SPHKAP: variants seen among roughly 807,000 people sequenced by gnomAD.
The protein encoded by SPHKAP is A-kinase anchor protein SPHKAP.
In SPHKAP, 67 loss-of-function variants were observed where a neutral mutation model predicts 137.5. The ratio of observed to expected loss-of-function variants is 0.49; its 90% CI spans 0.40 to 0.60. SPHKAP has a LOEUF of 0.60. Among genes scored for constraint, SPHKAP ranks in the 20% least tolerant of loss-of-function variants. The pLI, the probability that SPHKAP is intolerant of heterozygous loss-of-function variation, is 0.00. For synonymous variants in SPHKAP, 813 were observed against 785.3 expected, an observed-to-expected ratio of 1.04 and a Z score of -0.59; for missense variants, 2,097 against 2,069.3, an observed-to-expected ratio of 1.01 and a Z score of -0.26.
rs1574927431 is a variant in SPHKAP at position 228,181,502 on chromosome 2, C to T, written c.32+65G>A. The T allele has an allele frequency of 5.6e-6, 9 of 1,611,608 alleles. No homozygotes were observed. In the South Asian group the frequency reaches 6.6e-5, roughly 12 times the overall value. On this transcript the variant is annotated intron_variant, in intron 1 of 11. Transcript: ENST00000392056. The surrounding 1 kb of genome is among the most constrained non-coding windows in gnomAD (Gnocchi z 4.3). ...AAGCGCTCTGGGGCAAGTTGGTGAG[C>T]GACTCACAACGCGGAACGGAGTTTG...
At chr2:228,069,608 T>G (rs930551668) in intron 3 of SPHKAP, among the ~76,000 whole-genome samples, 1 of 151,668 alleles carries the variant, frequency 6.6e-6, no homozygotes, top group Non-Finnish European at 1.5e-5. Context: ...GAAGTTTTTT[T>G]TTTTCTAAGA....
chr2:228,141,241 A>T (rs1699598471), intron 1 of SPHKAP, among the ~76,000 whole-genome samples: 1 of 152,154 alleles, frequency 6.6e-6, no homozygotes, highest in South Asian at 2.1e-4. Flanking sequence ...ATGGAGTTGG[A>T]TCTATTACTC....
chr2:228,012,149 C>CA (rs1694400849), intron 7 of SPHKAP, among the ~76,000 whole-genome samples: 1 of 113,462 alleles, frequency 8.8e-6, no homozygotes, highest in Non-Finnish European at 1.6e-5. Flanking sequence ...GCCTGGGTGA[C>CA]AGAGACTCTA....
chr2:228,108,746 T>C, intron 3 of SPHKAP, 86 bp downstream of exon 3: 1 of 862,612 alleles, frequency 1.2e-6, no homozygotes, highest in Non-Finnish European at 1.8e-6. Flanking sequence ...ATTTAATGAA[T>C]TATGAAACTT....
At chr2:228,023,329 A>G (rs1335246900) in intron 5 of SPHKAP, among the ~76,000 whole-genome samples, 2 of 152,182 alleles carry the variant, frequency 1.3e-5, no homozygotes, top group Non-Finnish European at 2.9e-5. Flanking sequence ...AAGTGTGGGT[A>G]TGGACCTGCA....
chr2:228,027,619 C>G, intron 3 of SPHKAP, 76 bp from the exon 4 acceptor site: 1 of 1,433,472 alleles, frequency 7.0e-7, no homozygotes, highest in Admixed American at 1.7e-5. Flanking sequence ...AAGCAGGAAT[C>G]AGTTGGGGCA....
chr2:228,114,038 C>A (rs1028807461), intron 2 of SPHKAP, among the ~76,000 whole-genome samples: 1 of 152,068 alleles, frequency 6.6e-6, no homozygotes, highest in Non-Finnish European at 1.5e-5. Context: ...AATTTTGAAG[C>A]TTTATGAATA....
At chr2:228,027,462 C>G in intron 4 of SPHKAP, 22 bp downstream of exon 4, 1 of 1,612,982 alleles carries the variant, frequency 6.2e-7, no homozygotes. Context: ...ACCTCCCGGT[C>G]AGCTTGAGTT....
intron 11 of SPHKAP, among the ~76,000 whole-genome samples, chr2:227,988,831 G>A (rs563833539): frequency 6.6e-6 from 1 of 152,164 alleles, no homozygotes; most frequent in Non-Finnish European, 1.5e-5. Context: ...TTGCTGCTGA[G>A]TTGTAAGGTC....
rs1700715347 is a variant in SPHKAP, at chr2:228,175,572, A to G, written c.32+5995T>C. On this transcript the variant is annotated intron_variant, in intron 1 of 11. Coordinates refer to ENST00000392056, the MANE Select transcript of SPHKAP (RefSeq NM_001142644.2). ...AATAATGAATCAATAAAGAAAGTAAAACAGAATCACAAACAAGTTCTCATT... is the reference window on the plus strand; with the variant it reads ...AATAATGAATCAATAAAGAAAGTAAGACAGAATCACAAACAAGTTCTCATT... 2.0e-5 allele frequency among the ~76,000 whole-genome samples: 3 copies of G among 152,198 alleles called. No individual in the cohort carries two copies. In the South Asian group the frequency reaches 6.2e-4, roughly 31 times the overall value.
chr2:228,074,983 A>C (rs995027241), intron 3 of SPHKAP, among the ~76,000 whole-genome samples: 1 of 152,116 alleles, frequency 6.6e-6, no homozygotes, highest in Non-Finnish European at 1.5e-5. Context: ...GAGGAGGAAA[A>C]AGAGAAGGAG....
chr2:227,991,763 T>A, intron 9 of SPHKAP: 1 of 712,520 alleles, frequency 1.4e-6, no homozygotes, highest in Non-Finnish European at 1.7e-6. Context: ...TTTTCTATAC[T>A]ACAATAGCAA....
chr2:227,993,236 A>G (rs1024741496), intron 9 of SPHKAP, among the ~76,000 whole-genome samples: 1 of 152,210 alleles, frequency 6.6e-6, no homozygotes, highest in Non-Finnish European at 1.5e-5. Context: ...GGCATGGTAT[A>G]ATTTAAATGG....
intron 3 of SPHKAP, among the ~76,000 whole-genome samples, chr2:228,090,209 G>A (rs1381392335): frequency 6.6e-6 from 1 of 152,166 alleles, no homozygotes; most frequent in African/African-American, 2.4e-5. Flanking sequence ...ACCCCTTGCA[G>A]CAGGACATAA....
chr2:228,068,334 A>G (rs1156362938), intron 3 of SPHKAP, among the ~76,000 whole-genome samples: 1 of 152,040 alleles, frequency 6.6e-6, no homozygotes, highest in Non-Finnish European at 1.5e-5. Context: ...AGCAGTCTCT[A>G]TTGAAATACT....
In SPHKAP at chr2:228,062,605, G is replaced by GAAAA. The variant is rs57078919; in HGVS notation, c.247-35066_247-35063dup. On this transcript the variant is annotated intron_variant, in intron 3 of 11. Transcript: ENST00000392056. ...CCATACCATGTCTCTATTAAAAATG[G>GAAAA]AAAAAAAAAATAAAATGCCAAAGCT... 6.6e-3 allele frequency among the ~76,000 whole-genome samples: 968 copies of GAAAA among 146,576 alleles called. 14 individuals are homozygous for GAAAA. The highest frequency in any genetic ancestry group is 0.022 in the African/African-American group (891 of 40,122).
At chr2:228,097,746 G>A (rs1559172086) in intron 3 of SPHKAP, among the ~76,000 whole-genome samples, 1 of 152,138 alleles carries the variant, frequency 6.6e-6, no homozygotes, top group Admixed American at 6.5e-5. Flanking sequence ...ACTTCTAAGT[G>A]ACAACATGTG....
intron 3 of SPHKAP, among the ~76,000 whole-genome samples, chr2:228,096,473 T>C (rs1021824356): frequency 1.1e-4 from 16 of 151,996 alleles, no homozygotes; most frequent in Non-Finnish European, 2.4e-4. Context: ...CACGCTAATA[T>C]CTCCTGCATA....
chr2:228,152,433 T>C (rs1699964139), intron 1 of SPHKAP, among the ~76,000 whole-genome samples: 1 of 152,182 alleles, frequency 6.6e-6, no homozygotes, highest in South Asian at 2.1e-4. Flanking sequence ...TTTGCCCAGC[T>C]GCATGTTTTC....
Sources: allele counts gnomAD v4.1 joint callset (sites outside exome capture counted in the v4.1 genomes callset), GRCh38; gene constraint gnomAD v4.1.1; non-coding constraint Gnocchi (gnomAD v3.1); transcripts MANE v1.5; gene names NCBI Gene and HGNC (gene_info 2026-07-23, HGNC 2026-07-21).